The following NAV3 variants were observed in gnomAD, a reference collection of about 807,000 sequenced individuals.
NAV3 encodes neuron navigator 3, also known as pore membrane and/or filament interacting like protein 1.
In NAV3, 87 loss-of-function variants were observed where a neutral mutation model predicts 244.7. The observed-to-expected ratio is 0.36, with a 90% CI of 0.30 to 0.42. The LOEUF is 0.42. Among genes scored for constraint, NAV3 ranks in the 20% least tolerant of loss-of-function variants. The pLI is 1.00. For missense variants in NAV3, 2,663 were observed against 2,893.3 expected (o/e 0.92, Z 1.83); for synonymous variants, 1,126 against 1,042.2 (o/e 1.08, Z -1.55).
rs770984812 is a variant in NAV3 at position 78,119,245 on chromosome 12, G to T, written c.3049G>T (p.Asp1017Tyr). The T allele has an allele frequency of 6.2e-7, 1 of 1,608,820 alleles. No individual in the cohort carries two copies. The highest frequency in any genetic ancestry group is 8.5e-7 in the Non-Finnish European group (1 of 1,178,084). The change falls in exon 15 of 40, where the codon GAT becomes TAT. Residue 1017 changes from aspartate (D) to tyrosine (Y), a missense_variant. Physicochemically the swap from Asp to Tyr is radical, Grantham distance 160. Around this residue, in one of 6 missense-constraint regions of NAV3, gnomAD observed 1,521 missense variants for 1,497.0 expected, o/e 1.02. Transcript: ENST00000397909. ...TATTTCTCCTTAATTAGGGAAAACC[G>T]ATGATGCCAAAGCTTCTGAGAAAGG... is the stretch of plus-strand genomic sequence containing the variant. ...TSALKTPGKTDDAKASEKGKA... is the reference protein window; with the variant it reads ...TSALKTPGKTYDAKASEKGKA...
intron 18 of NAV3, among the ~76,000 whole-genome samples, chr12:78,134,261 T>C (rs1956283141): frequency 6.6e-6 from 1 of 152,184 alleles, no homozygotes; most frequent in Non-Finnish European, 1.5e-5. Context: ...TTCGGAAGCA[T>C]AGAATCTCAC....
intron 5 of NAV3, among the ~76,000 whole-genome samples, chr12:77,975,894 G>A (rs1868336096): frequency 6.6e-6 from 1 of 152,174 alleles, no homozygotes; most frequent in South Asian, 2.1e-4. Context: ...GTAGGGAAAA[G>A]GTGGTAGCAA....
intron 3 of NAV3, among the ~76,000 whole-genome samples, chr12:77,960,450 T>TAC (rs35625985): frequency 8.4e-4 from 121 of 144,396 alleles, no homozygotes; most frequent in South Asian, 2.0e-3. Flanking sequence ...TATATATATA[T>TAC]ACACACACAC....
chr12:78,021,349 A>T lies in NAV3; in HGVS notation c.1908-398A>T, dbSNP rs1054674278. ...TTACACATATTTTAAAATATATTTT[A>T]TAGAATTTTTGTTTTAAAAAAGAAT... On this transcript the variant is annotated intron_variant, in intron 8 of 39. Coordinates refer to ENST00000397909, the MANE Select transcript of NAV3 (RefSeq NM_001024383.2). Among the ~76,000 whole-genome samples, 4 of 152,132 alleles carry T rather than the reference A, an allele frequency of 2.6e-5. No homozygotes were observed. The South Asian group carries it at 8.3e-4, about 31-fold the overall frequency.
chr12:77,643,818 G>A (rs565155527), intron 2 of NAV3, among the ~76,000 whole-genome samples: 2 of 152,072 alleles, frequency 1.3e-5, no homozygotes, highest in Admixed American at 6.6e-5. Flanking sequence ...TATCATAAAA[G>A]CAAGAACCTT....
chr12:77,698,630 G>A (rs1214367189), intron 2 of NAV3, among the ~76,000 whole-genome samples: 1 of 152,138 alleles, frequency 6.6e-6, no homozygotes, highest in Non-Finnish European at 1.5e-5. Flanking sequence ...GAAGCTGTGA[G>A]AATGGGTATG....
At chr12:77,722,869 C>T (rs1448502089) in intron 2 of NAV3, among the ~76,000 whole-genome samples, 2 of 151,990 alleles carry the variant, frequency 1.3e-5, no homozygotes, top group Non-Finnish European at 2.9e-5. Context: ...AAGTTCAGCT[C>T]TCCAATTTTA....
chr12:77,777,993 A>G (rs890182708), intron 2 of NAV3, among the ~76,000 whole-genome samples: 2 of 152,004 alleles, frequency 1.3e-5, no homozygotes. Flanking sequence ...CTTAGTAGAG[A>G]CAGGGTTTCA....
chr12:77,677,623 T>A (rs775815952), intron 2 of NAV3, among the ~76,000 whole-genome samples: 1 of 152,216 alleles, frequency 6.6e-6, no homozygotes, highest in Admixed American at 6.5e-5. Flanking sequence ...AAAATGGACA[T>A]GTACCAGTGC....
At chr12:77,766,085 AC>A (rs1034797967) in intron 2 of NAV3, among the ~76,000 whole-genome samples, 11 of 152,304 alleles carry the variant, frequency 7.2e-5, no homozygotes, top group African/African-American at 2.6e-4. Context: ...AAATTTCTTG[AC>A]GGAGAAGAGA....
chr12:77,967,148 AG>A (rs200652499), intron 4 of NAV3, among the ~76,000 whole-genome samples: 1,588 of 152,232 alleles, frequency 0.01, 10 homozygotes, highest in Non-Finnish European at 0.014. Flanking sequence ...AAGTAGTTAC[AG>A]GCTAGAAATG....
At chr12:77,959,311 A>G (rs1166856631) in intron 3 of NAV3, among the ~76,000 whole-genome samples, 1 of 152,076 alleles carries the variant, frequency 6.6e-6, no homozygotes, top group East Asian at 1.9e-4. Flanking sequence ...TCTTAAGTGT[A>G]GTAGAGTTTA....
chr12:77,976,545 TCA>T (rs1413341363), intron 5 of NAV3, among the ~76,000 whole-genome samples: 1 of 152,038 alleles, frequency 6.6e-6, no homozygotes, highest in African/African-American at 2.4e-5. Context: ...AGATCAATAG[TCA>T]TAACTTATAT....
At chr12:78,110,095 G>C (rs1328927093) in intron 12 of NAV3, among the ~76,000 whole-genome samples, 1 of 151,976 alleles carries the variant, frequency 6.6e-6, no homozygotes, top group Non-Finnish European at 1.5e-5. Context: ...ATTTAGTAAA[G>C]TTTCAGGATA....
intron 2 of NAV3, among the ~76,000 whole-genome samples, chr12:77,708,536 T>C (rs532432321): frequency 6.6e-5 from 10 of 152,330 alleles, no homozygotes; most frequent in African/African-American, 2.4e-4. Context: ...GTCTTGGCAA[T>C]GTGGGCTCTT....
chr12:78,052,451 G>A (rs1025430227), intron 11 of NAV3, among the ~76,000 whole-genome samples: 17 of 152,088 alleles, frequency 1.1e-4, no homozygotes, highest in Admixed American at 3.3e-4. Context: ...GGAACCTAAC[G>A]TATCCAAATT....
At chr12:77,797,534 T>G (rs1010252593) in intron 2 of NAV3, among the ~76,000 whole-genome samples, 12 of 149,340 alleles carry the variant, frequency 8.0e-5, no homozygotes, top group African/African-American at 2.5e-4. Context: ...GTTTTTTTTT[T>G]TTTTTTTTTT....
At chr12:77,992,066 T>C (rs1001451791) in intron 5 of NAV3, among the ~76,000 whole-genome samples, 2 of 152,114 alleles carry the variant, frequency 1.3e-5, no homozygotes, top group African/African-American at 4.8e-5. Flanking sequence ...AATATCAAAA[T>C]TTACTTTGAG....
chr12:77,652,017 A>G (rs2136993744), intron 2 of NAV3, among the ~76,000 whole-genome samples: 1 of 152,260 alleles, frequency 6.6e-6, no homozygotes, highest in African/African-American at 2.4e-5. Context: ...AAATGTAGAA[A>G]AATGCAGGGA....
Sources: allele counts gnomAD v4.1 joint callset (sites outside exome capture counted in the v4.1 genomes callset), GRCh38; gene constraint gnomAD v4.1.1; regional missense constraint gnomAD v4.1.1; transcripts MANE v1.5; gene names NCBI Gene and HGNC (gene_info 2026-07-23, HGNC 2026-07-21).